Variants in WDR70 observed in about 807,000 individuals in gnomAD.
WDR70 encodes WD repeat-containing protein 70.
WDR70 carries 53 observed loss-of-function variants against 88.6 expected under a neutral mutation model. The ratio of observed to expected loss-of-function variants is 0.60; its 90% CI spans 0.48 to 0.75. WDR70 has a LOEUF of 0.75. Among genes scored for constraint, WDR70 ranks in the 30% least tolerant of loss-of-function variants. The pLI is 0.00. For synonymous variants in WDR70, 280 were observed against 270.0 expected (o/e 1.04, Z -0.36); for missense variants, 610 against 823.2 (o/e 0.74, Z 3.17).
intron 9 of WDR70, among the ~76,000 whole-genome samples, chr5:37,580,147 A>G (rs78041447): frequency 0.16 from 24,819 of 152,208 alleles, 2,137 homozygotes; most frequent in South Asian, 0.26. Context: ...TATTTAATGA[A>G]TTCACTTAAT....
At chr5:37,467,237 AAAC>A (rs1446471348) in intron 7 of WDR70, among the ~76,000 whole-genome samples, 10 of 151,362 alleles carry the variant, frequency 6.6e-5, no homozygotes, top group South Asian at 2.1e-4. Context: ...AAAAAAAAAA[AAAC>A]AAAAAAAGAA....
chr5:37,633,131 A>G (rs1011739736), intron 10 of WDR70, among the ~76,000 whole-genome samples: 2 of 152,216 alleles, frequency 1.3e-5, no homozygotes, highest in Admixed American at 6.5e-5. Flanking sequence ...TGATGTTCAC[A>G]TAATGAGGAA....
chr5:37,667,615 T>C (rs1378759782), intron 10 of WDR70, among the ~76,000 whole-genome samples: 3 of 152,174 alleles, frequency 2.0e-5, no homozygotes, highest in Non-Finnish European at 4.4e-5. Flanking sequence ...AAATAAAGTT[T>C]TGCTGGATTG....
intron 9 of WDR70, among the ~76,000 whole-genome samples, chr5:37,580,550 C>G (rs931190397): frequency 6.6e-6 from 1 of 152,234 alleles, no homozygotes; most frequent in Non-Finnish European, 1.5e-5. Context: ...AAGCACCCAC[C>G]TCAAAGGAAT....
At position 37,710,287 on chromosome 5, in the gene WDR70, T is replaced by A. The variant is rs142837501; in HGVS notation, c.1416+7200T>A. On this transcript the variant is annotated intron_variant, in intron 13 of 17. Coordinates refer to ENST00000265107, the MANE Select transcript of WDR70 (RefSeq NM_018034.4). Reference sequence around the variant, plus strand: ...CACATGTATGGATTCATGTAATCACTATCAACACAATCAGTATACAGAAGA... The same window carrying A: ...CACATGTATGGATTCATGTAATCACAATCAACACAATCAGTATACAGAAGA... 2.0e-5 allele frequency among the ~76,000 whole-genome samples: 3 copies of A among 152,264 alleles called. No homozygotes were observed. The East Asian group carries it at 5.8e-4, about 29-fold the overall frequency.
chr5:37,445,630 T>C (rs1292203247), intron 7 of WDR70, among the ~76,000 whole-genome samples: 1 of 152,134 alleles, frequency 6.6e-6, no homozygotes, highest in Non-Finnish European at 1.5e-5. Flanking sequence ...CAAAGCTGGC[T>C]CAACATACGC....
chr5:37,707,968 T>A (rs1345838710), intron 13 of WDR70, among the ~76,000 whole-genome samples: 106 of 68,868 alleles, frequency 1.5e-3, no homozygotes, highest in African/African-American at 3.7e-3. Flanking sequence ...TATATATATA[T>A]ATATATATAT....
intron 8 of WDR70, among the ~76,000 whole-genome samples, chr5:37,488,509 T>TTTC (rs1739964175): frequency 6.6e-6 from 1 of 150,602 alleles, no homozygotes; most frequent in South Asian, 2.1e-4. Context: ...TTACTTTTTT[T>TTTC]TTTTTTTGTC....
intron 9 of WDR70, among the ~76,000 whole-genome samples, chr5:37,521,760 C>G (rs761438325): frequency 2.0e-4 from 30 of 150,892 alleles, no homozygotes; most frequent in Admixed American, 1.4e-3. Flanking sequence ...TCTTTATCAA[C>G]TTGTTGATTG....
rs577246592 is a variant in WDR70 at position 37,659,919 on chromosome 5, A to G, written c.1093-37736A>G. ...CTTCAACATATGAATTTTGGGTGGC[A>G]CAAGCATTCAGTTCATAACACCTTC... is the stretch of plus-strand genomic sequence containing the variant. On this transcript the variant is annotated intron_variant, in intron 10 of 17. Coordinates refer to ENST00000265107, the MANE Select transcript of WDR70 (RefSeq NM_018034.4). 8.9e-4 allele frequency among the ~76,000 whole-genome samples: 135 copies of G among 152,348 alleles called. 4 individuals carry two copies. In the South Asian group the frequency reaches 0.027, roughly 31 times the overall value.
intron 7 of WDR70, among the ~76,000 whole-genome samples, chr5:37,450,726 A>T (rs1377498442): frequency 6.6e-6 from 1 of 152,156 alleles, no homozygotes; most frequent in East Asian, 1.9e-4. Flanking sequence ...TTATAAGAAA[A>T]CACTTATTGG....
At chr5:37,418,407 C>A (rs1749827869) in intron 5 of WDR70, among the ~76,000 whole-genome samples, 1 of 152,114 alleles carries the variant, frequency 6.6e-6, no homozygotes, top group Non-Finnish European at 1.5e-5. Flanking sequence ...GCAAGCTCCG[C>A]CTCCCGGGTT....
chr5:37,465,658 G>GTTTT (rs59224939), intron 7 of WDR70, among the ~76,000 whole-genome samples: 1 of 99,388 alleles, frequency 1.0e-5, no homozygotes, highest in African/African-American at 3.3e-5. Context: ...ATTGTCATGA[G>GTTTT]TTTTTTTTTT....
intron 17 of WDR70, among the ~76,000 whole-genome samples, chr5:37,739,936 C>T (rs77876675): frequency 2.6e-5 from 4 of 152,120 alleles, no homozygotes; most frequent in Non-Finnish European, 4.4e-5. Context: ...ATTTTTGTGG[C>T]CAGTGACGAT....
rs747169918 is a variant in WDR70 at position 37,493,299 on chromosome 5, C to T, written c.840+13312C>T. 2.8e-4 allele frequency among the ~76,000 whole-genome samples: 43 copies of T among 152,130 alleles called. 1 individual carries two copies. The highest frequency in any genetic ancestry group is 1.0e-4 in the Non-Finnish European group (7 of 68,012). ...TGAAATCAGGGTGTCAGTAAGACTGCACGCTACTAGGTCAGCATTCCTAAT... is the reference window on the plus strand; with the variant it reads ...TGAAATCAGGGTGTCAGTAAGACTGTACGCTACTAGGTCAGCATTCCTAAT... On this transcript the variant is annotated intron_variant, in intron 8 of 17. Transcript: ENST00000265107.
chr5:37,679,773 C>G (rs527343594), intron 10 of WDR70, among the ~76,000 whole-genome samples: 2 of 152,162 alleles, frequency 1.3e-5, no homozygotes, highest in South Asian at 2.1e-4. Flanking sequence ...GCTGTCAGAC[C>G]GGGACATTTA....
intron 15 of WDR70, 42 bp from the exon 16 acceptor site, chr5:37,724,892 G>T (rs1170766023): frequency 1.3e-6 from 2 of 1,554,756 alleles, no homozygotes; most frequent in East Asian, 2.2e-5. Flanking sequence ...GGATGGGAAG[G>T]TTATTGTTAT....
chr5:37,407,716 A>AG (rs1749396014), intron 5 of WDR70, among the ~76,000 whole-genome samples: 2 of 151,754 alleles, frequency 1.3e-5, no homozygotes, highest in Admixed American at 1.3e-4. Context: ...TTTTGTAGAA[A>AG]CGGGGTCTTG....
chr5:37,501,975 T>C (rs1485382525), intron 8 of WDR70, among the ~76,000 whole-genome samples: 1 of 152,154 alleles, frequency 6.6e-6, no homozygotes, highest in Non-Finnish European at 1.5e-5. Flanking sequence ...TGAAAAATGA[T>C]GTTGGTATTT....
Sources: allele counts gnomAD v4.1 joint callset (sites outside exome capture counted in the v4.1 genomes callset), GRCh38; gene constraint gnomAD v4.1.1; transcripts MANE v1.5; gene names NCBI Gene and HGNC (gene_info 2026-07-23, HGNC 2026-07-21).